Variants in CSGALNACT1 observed in about 807,000 individuals in gnomAD.
CSGALNACT1 encodes beta4GalNAcT-1.
CSGALNACT1 carries 52 observed loss-of-function variants against 51.0 expected under a neutral mutation model. The observed-to-expected ratio is 1.02, with a 90% CI of 0.82 to 1.29. The LOEUF (loss-of-function observed/expected upper bound fraction) is 1.29. Ranked by LOEUF, CSGALNACT1 falls within the 50% of genes most tolerant of loss-of-function variation. The pLI is 0.00. For synonymous variants in CSGALNACT1, 341 were observed against 254.4 expected, an observed-to-expected ratio of 1.34 and a Z score of -3.24; for missense variants, 935 against 679.2, an observed-to-expected ratio of 1.38 and a Z score of -4.19.
exon 5 of CSGALNACT1, chr8:19,458,627 T>C: frequency 6.2e-7 from 1 of 1,614,168 alleles, no homozygotes; most frequent in Non-Finnish European, 8.5e-7. Context: ...TTTGTCCCTT[T>C]CTGTTCGGTA....
intron 4 of CSGALNACT1, among the ~76,000 whole-genome samples, chr8:19,491,098 AC>A (rs1327244754): frequency 5.4e-5 from 8 of 148,142 alleles, no homozygotes; most frequent in South Asian, 2.1e-4. Context: ...AAAAAAAAAA[AC>A]CAATGCTTTG....
intron 1 of CSGALNACT1, among the ~76,000 whole-genome samples, chr8:19,614,948 G>A (rs1481241294): frequency 6.6e-6 from 1 of 152,190 alleles, no homozygotes; most frequent in Non-Finnish European, 1.5e-5. Context: ...GTTTTGCAGT[G>A]ATATTTCAAT....
chr8:19,434,458 C>A (rs1020467909), intron 6 of CSGALNACT1, among the ~76,000 whole-genome samples: 1 of 152,162 alleles, frequency 6.6e-6, no homozygotes, highest in Non-Finnish European at 1.5e-5. Flanking sequence ...GACATCATGA[C>A]AACTTCACCC....
At chr8:19,721,554 G>C (rs76082047) in intron 1 of CSGALNACT1, among the ~76,000 whole-genome samples, 2 of 152,176 alleles carry the variant, frequency 1.3e-5, no homozygotes, top group Non-Finnish European at 2.9e-5. Flanking sequence ...CATAGCTGGG[G>C]TGCTCAAGAG....
chr8:19,645,719 G>A (rs911278653), intron 1 of CSGALNACT1, among the ~76,000 whole-genome samples: 47 of 152,222 alleles, frequency 3.1e-4, no homozygotes, highest in African/African-American at 1.1e-3. Flanking sequence ...AGCACAGGGG[G>A]AAAGCTGTGA....
intron 8 of CSGALNACT1, among the ~76,000 whole-genome samples, chr8:19,416,083 T>G (rs2056811003): frequency 6.6e-6 from 1 of 151,538 alleles, no homozygotes; most frequent in Non-Finnish European, 1.5e-5. Flanking sequence ...GAAGGCAAGG[T>G]TAACTTATTA....
intron 2 of CSGALNACT1, among the ~76,000 whole-genome samples, chr8:19,601,226 A>G (rs1347572434): frequency 2.6e-5 from 4 of 152,230 alleles, no homozygotes; most frequent in African/African-American, 9.6e-5. Context: ...TCCAATCCGT[A>G]AGGGCACTAT....
At chr8:19,407,200 A>G (rs1485573860) in intron 9 of CSGALNACT1, among the ~76,000 whole-genome samples, 1 of 151,720 alleles carries the variant, frequency 6.6e-6, no homozygotes, top group Non-Finnish European at 1.5e-5. Context: ...TTTTTTTTAA[A>G]TCTTTAACCT....
chr8:19,503,988 A>G (rs2153991533), intron 4 of CSGALNACT1, among the ~76,000 whole-genome samples: 1 of 152,360 alleles, frequency 6.6e-6, no homozygotes, highest in African/African-American at 2.4e-5. Flanking sequence ...GAAGAGAGTC[A>G]GTTTTGCCTG....
chr8:19,685,983 C>T (rs1198754336), upstream of CSGALNACT1, among the ~76,000 whole-genome samples: 2 of 152,204 alleles, frequency 1.3e-5, no homozygotes, highest in African/African-American at 2.4e-5. Flanking sequence ...TCGAAACAAT[C>T]GCGTAAGTAC....
At chr8:19,434,481 A>C (rs1158512796) in intron 6 of CSGALNACT1, among the ~76,000 whole-genome samples, 2 of 152,200 alleles carry the variant, frequency 1.3e-5, no homozygotes, top group African/African-American at 2.4e-5. Context: ...GAAGACATGC[A>C]TCTCCCAAGA....
At chr8:19,547,248 G>T (rs945658928) in intron 3 of CSGALNACT1, among the ~76,000 whole-genome samples, 1 of 152,174 alleles carries the variant, frequency 6.6e-6, no homozygotes, top group Admixed American at 6.5e-5. Context: ...ACACAGCCAA[G>T]TAAGTGACAA....
At chr8:19,653,355 C>T (rs953706751) in intron 1 of CSGALNACT1, among the ~76,000 whole-genome samples, 4 of 152,180 alleles carry the variant, frequency 2.6e-5, no homozygotes, top group African/African-American at 9.7e-5. Flanking sequence ...GAGGCCCCAC[C>T]CTCCTGTCTC....
rs538686117 is a variant in CSGALNACT1, at chr8:19,422,804, G to C, written c.954-2286C>G. Among the ~76,000 whole-genome samples, 49 of 152,170 alleles carry C rather than the reference G, an allele frequency of 3.2e-4. 1 individual carries two copies. The highest frequency in any genetic ancestry group is 6.8e-3 in the Middle Eastern group (2 of 294). On this transcript the variant is annotated intron_variant, in intron 6 of 9. Coordinates refer to ENST00000454498, the Ensembl canonical transcript of CSGALNACT1. ...CAACCCATTTTTCCCTTCCCGGTTT[G>C]GTCAGTTTCCAGGAAAGGTTTACCC... is the stretch of plus-strand genomic sequence containing the variant.
chr8:19,753,563 G>C (rs2065175899), intron 1 of CSGALNACT1, among the ~76,000 whole-genome samples: 1 of 152,166 alleles, frequency 6.6e-6, no homozygotes, highest in African/African-American at 2.4e-5. Context: ...TCTGAGACAA[G>C]GTCTTGAGAT....
intron 4 of CSGALNACT1, among the ~76,000 whole-genome samples, chr8:19,502,152 T>G (rs1039183645): frequency 6.6e-6 from 1 of 152,226 alleles, no homozygotes; most frequent in African/African-American, 2.4e-5. Context: ...CTTCCTTTTA[T>G]AGAAGAGGAT....
chr8:19,746,192 G>A (rs1015791859), intron 1 of CSGALNACT1, among the ~76,000 whole-genome samples: 1 of 152,146 alleles, frequency 6.6e-6, no homozygotes. Flanking sequence ...CCCTAGCGTA[G>A]TAATATATTC....
intron 1 of CSGALNACT1, among the ~76,000 whole-genome samples, chr8:19,649,131 T>A (rs2057541774): frequency 6.6e-6 from 1 of 152,230 alleles, no homozygotes; most frequent in Non-Finnish European, 1.5e-5. Context: ...CTCAATTATT[T>A]CGTTTGTTCC....
intron 5 of CSGALNACT1, chr8:19,457,493 A>C (rs763512586): frequency 3.2e-5 from 13 of 402,562 alleles, no homozygotes; most frequent in Non-Finnish European, 5.7e-5. Flanking sequence ...GGCATCTGTA[A>C]TCCCAGCTAC....
Sources: gnomAD v4.1 joint callset for allele counts (sites outside exome capture counted in the v4.1 genomes callset) on GRCh38, gnomAD v4.1.1 for gene constraint, MANE v1.5 for transcripts, NCBI Gene and HGNC (gene_info 2026-07-23, HGNC 2026-07-21) for gene names.